CPED1: variants seen among roughly 807,000 people sequenced by gnomAD.
CPED1 encodes the protein cadherin-like and PC-esterase domain-containing protein 1.
In CPED1, 114 loss-of-function variants were observed where a neutral mutation model predicts 128.2. The ratio of observed to expected loss-of-function variants is 0.89; its 90% CI spans 0.76 to 1.04. The LOEUF (loss-of-function observed/expected upper bound fraction) is 1.04, where lower values mean the gene tolerates loss of function less well. Among genes scored for constraint, CPED1 ranks in the 50% least tolerant of loss-of-function variants. CPED1 has a pLI of 0.00. For missense variants in CPED1, 1,211 were observed against 1,207.1 expected (o/e 1.00, Z -0.05); for synonymous variants, 462 against 426.7 (o/e 1.08, Z -1.02).
At chr7:121,011,698 G>A (rs1296332094) in intron 2 of CPED1, among the ~76,000 whole-genome samples, 1 of 152,028 alleles carries the variant, frequency 6.6e-6, no homozygotes, top group Non-Finnish European at 1.5e-5. Flanking sequence ...CCAAGATATG[G>A]GAGGCCCAGG....
rs978771921 is a variant in CPED1 at position 121,296,350 on chromosome 7, A to G, written c.*698A>G. 6.6e-6 allele frequency: 1 copy of G among 152,178 alleles called. No homozygotes were observed. Among genetic ancestry groups the G allele is most frequent in the African/African-American group, 2.4e-5 (1 of 41,444 alleles). The allele number at this position is 152,178 out of a possible 1,614,324, so 9.4% of individuals were successfully genotyped here. Reference sequence around the variant, plus strand: ...ACATTCCCTCTTGTCTTATCTGTGTACTTCGATGGGTAACTGCAGTCTGAA... The same window carrying G: ...ACATTCCCTCTTGTCTTATCTGTGTGCTTCGATGGGTAACTGCAGTCTGAA... On this transcript the variant is annotated 3_prime_UTR_variant, in exon 23 of 23. Transcript: ENST00000310396.
intron 16 of CPED1, among the ~76,000 whole-genome samples, chr7:121,196,695 A>C (rs1797281643): frequency 6.6e-6 from 1 of 152,156 alleles, no homozygotes; most frequent in South Asian, 2.1e-4. Context: ...GCTCTCTTAT[A>C]AATGCACATT....
chr7:121,127,224 A>G lies in CPED1; in HGVS notation c.1269A>G (p.Ile423Met), dbSNP rs1795526380. ...NESSLSIFSE[I>M]FQRLYRSDVF... is the part of the protein sequence containing the mutation. ...CATCACTTTCCATATTTTCTGAGAT[A>G]TTTCAGAGACTTTATAGATCAGATG... Residue 423 changes from isoleucine (I) to methionine (M), a missense_variant, in exon 10 of 23, where the codon ATA becomes ATG. Physicochemically the swap from Ile to Met is conservative, Grantham distance 10 (BLOSUM62 1). Coordinates refer to ENST00000310396, the MANE Select transcript of CPED1 (RefSeq NM_024913.5). 4 of 1,590,714 alleles carry G rather than the reference A, an allele frequency of 2.5e-6. No individual in the cohort carries two copies. The highest frequency in any genetic ancestry group is 3.4e-6 in the Non-Finnish European group (4 of 1,161,792).
At chr7:121,209,570 A>T (rs565529609) in intron 16 of CPED1, among the ~76,000 whole-genome samples, 1 of 152,146 alleles carries the variant, frequency 6.6e-6, no homozygotes, top group South Asian at 2.1e-4. Flanking sequence ...AAATAAAACT[A>T]GACCCCTATC....
intron 16 of CPED1, among the ~76,000 whole-genome samples, chr7:121,180,138 A>G (rs1369902140): frequency 6.6e-6 from 1 of 152,018 alleles, no homozygotes; most frequent in Non-Finnish European, 1.5e-5. Flanking sequence ...ACCAGATGAT[A>G]GGTAGCTTTC....
At chr7:121,194,551 G>A (rs1211603316) in intron 16 of CPED1, among the ~76,000 whole-genome samples, 1 of 151,986 alleles carries the variant, frequency 6.6e-6, no homozygotes, top group Non-Finnish European at 1.5e-5. Flanking sequence ...GTATGGTTTG[G>A]GGTTTTGGTT....
At chr7:121,068,513 T>C (rs1434027424) in intron 5 of CPED1, among the ~76,000 whole-genome samples, 2 of 152,224 alleles carry the variant, frequency 1.3e-5, no homozygotes, top group East Asian at 3.9e-4. Context: ...TTTTGGTTAC[T>C]GTAGCCTTGT....
chr7:121,064,321 T>G lies in CPED1; in HGVS notation c.616+8T>G, dbSNP rs750210132. 1.8e-5 allele frequency: 29 copies of G among 1,600,516 alleles called. No homozygotes were observed. The highest frequency in any genetic ancestry group is 2.5e-5 in the Non-Finnish European group (29 of 1,167,960). On this transcript the variant is annotated splice_region_variant and intron_variant, in intron 5 of 22. Coordinates refer to ENST00000310396, the MANE Select transcript of CPED1 (RefSeq NM_024913.5). ...TAGTTAGAAGATTCCCAGGTAATCT[T>G]TCGTTTGCTTCCTTAGGCTTAAACA...
In CPED1 at chr7:121,200,765, A is replaced by G. The variant is rs193204397; in HGVS notation, c.2056-35949A>G. On this transcript the variant is annotated intron_variant, in intron 16 of 22. Transcript: ENST00000310396. The stretch of plus-strand genomic sequence containing the variant: ...CAGAAAGTTTGATACAGACCAGTGC[A>G]AAGTGGGGAACCTAAAGAGAAACAA... Among the ~76,000 whole-genome samples the G allele has an allele frequency of 3.1e-3, 476 of 152,264 alleles. 8 individuals are homozygous for G. Among genetic ancestry groups the G allele is most frequent in the Admixed American group, 0.028 (433 of 15,288 alleles).
At chr7:121,163,378 C>T (rs566273346) in intron 16 of CPED1, among the ~76,000 whole-genome samples, 159 of 152,254 alleles carry the variant, frequency 1.0e-3, no homozygotes, top group African/African-American at 3.6e-3. Context: ...CAGAATTGAG[C>T]TATTGTGGGA....
intron 5 of CPED1, among the ~76,000 whole-genome samples, chr7:121,072,185 C>A (rs375425589): frequency 1.4e-3 from 193 of 139,188 alleles, no homozygotes; most frequent in Admixed American, 1.5e-3. Flanking sequence ...TTTTCCTATA[C>A]AAAAAAAAAA....
intron 3 of CPED1, among the ~76,000 whole-genome samples, chr7:121,016,117 A>G (rs2116815155): frequency 6.6e-6 from 1 of 152,290 alleles, no homozygotes; most frequent in Non-Finnish European, 1.5e-5. Flanking sequence ...TACATAAAAT[A>G]TGTTCATGTT....
chr7:121,113,260 G>A (rs2037632), intron 7 of CPED1, among the ~76,000 whole-genome samples: 63,161 of 152,028 alleles, frequency 0.42, 14,984 homozygotes, highest in East Asian at 0.84. Context: ...GCTGGGCCAT[G>A]TGAAGAAAGA....
chr7:121,267,627 G>GT (rs1169275628), intron 21 of CPED1, among the ~76,000 whole-genome samples: 1 of 151,942 alleles, frequency 6.6e-6, no homozygotes, highest in African/African-American at 2.4e-5. Flanking sequence ...AGTATCATTG[G>GT]TTTTTCCTGT....
At chr7:121,295,175 A>ACACACACACACACACACAC (rs1562865931) in intron 22 of CPED1, among the ~76,000 whole-genome samples, 5 of 151,590 alleles carry the variant, frequency 3.3e-5, no homozygotes, top group African/African-American at 7.3e-5. Flanking sequence ...ACACACACAC[A>ACACACACACACACACACAC]AAGACTAGAA....
intron 18 of CPED1, among the ~76,000 whole-genome samples, chr7:121,256,198 A>G (rs114879966): frequency 0.015 from 2,289 of 151,782 alleles, 63 homozygotes; most frequent in African/African-American, 0.052. Flanking sequence ...TAAAGCTGCA[A>G]TAACCAAAAC....
intron 18 of CPED1, among the ~76,000 whole-genome samples, chr7:121,257,596 C>T (rs12706333): frequency 0.42 from 63,104 of 151,662 alleles, 13,576 homozygotes; most frequent in Middle Eastern, 0.53. Context: ...GAGATAATTG[C>T]GTAAACATTC....
At chr7:121,240,971 G>T (rs1171059362) in intron 17 of CPED1, among the ~76,000 whole-genome samples, 1 of 152,014 alleles carries the variant, frequency 6.6e-6, no homozygotes, top group Non-Finnish European at 1.5e-5. Flanking sequence ...ATGTGGAGGA[G>T]GTTGGTTATT....
intron 2 of CPED1, among the ~76,000 whole-genome samples, chr7:121,002,056 T>G (rs559832081): frequency 1.6e-4 from 24 of 152,296 alleles, no homozygotes; most frequent in African/African-American, 5.8e-4. Flanking sequence ...ATTAAAAATT[T>G]ATAGTATAGT....
Sources: allele counts gnomAD v4.1 joint callset (sites outside exome capture counted in the v4.1 genomes callset), GRCh38; gene constraint gnomAD v4.1.1; transcripts MANE v1.5; gene names NCBI Gene and HGNC (gene_info 2026-07-23, HGNC 2026-07-21).